The following PHACTR2 variants were observed in gnomAD, a reference collection of about 807,000 sequenced individuals.
PHACTR2 encodes the protein phosphatase and actin regulator 2.
In PHACTR2, 30 loss-of-function variants were observed where a neutral mutation model predicts 76.0. The ratio of observed to expected loss-of-function variants is 0.39; its 90% CI spans 0.30 to 0.54. PHACTR2 has a LOEUF of 0.54. Ranked by LOEUF, PHACTR2 falls within the 20% of genes least tolerant of loss-of-function variation. The pLI, the probability that PHACTR2 is intolerant of heterozygous loss-of-function variation, is 0.61. For missense variants in PHACTR2, 696 were observed against 781.1 expected (o/e 0.89, Z 1.30); for synonymous variants, 292 against 292.5 (o/e 1.00, Z 0.02).
intron 10 of PHACTR2, among the ~76,000 whole-genome samples, chr6:143,786,024 T>C (rs1295403246): frequency 6.6e-6 from 1 of 152,250 alleles, no homozygotes; most frequent in Non-Finnish European, 1.5e-5. Context: ...CCTTGCTACT[T>C]AGGCAAATTT....
chr6:143,799,202 G>A (rs1775897957), intron 11 of PHACTR2, among the ~76,000 whole-genome samples: 1 of 152,164 alleles, frequency 6.6e-6, no homozygotes, highest in South Asian at 2.1e-4. Flanking sequence ...TCTGATGGTA[G>A]TTTGTGTTTC....
intron 10 of PHACTR2, among the ~76,000 whole-genome samples, chr6:143,785,318 C>T (rs1392807773): frequency 6.6e-6 from 1 of 152,122 alleles, no homozygotes; most frequent in Non-Finnish European, 1.5e-5. Flanking sequence ...TTTAAAGGTC[C>T]AAAATTATCT....
chr6:143,627,946 T>C lies in PHACTR2; in HGVS notation c.13+19624T>C, dbSNP rs1293207503. ...TATACCCATTGTGCAGTCATGACTATTGTCCCCCTCCCCCAGACTCTTGCA... is the reference window on the plus strand; with the variant it reads ...TATACCCATTGTGCAGTCATGACTACTGTCCCCCTCCCCCAGACTCTTGCA... On this transcript the variant is annotated intron_variant, in intron 1 of 11. Coordinates refer to the PHACTR2 transcript ENST00000305766. The surrounding 1 kb of genome is among the most constrained non-coding windows in gnomAD (Gnocchi z 4.3). 1.3e-5 allele frequency among the ~76,000 whole-genome samples: 2 copies of C among 152,202 alleles called. No homozygotes were observed. Among genetic ancestry groups the C allele is most frequent in the African/African-American group, 4.8e-5 (2 of 41,444 alleles).
intron 11 of PHACTR2, among the ~76,000 whole-genome samples, chr6:143,805,342 G>A (rs545978957): frequency 1.3e-5 from 2 of 152,038 alleles, no homozygotes; most frequent in Non-Finnish European, 2.9e-5. Flanking sequence ...AGCCAGGCAC[G>A]GTGGTGCATG....
chr6:143,560,882 GGTGTGTGT>G (rs36070460), intron 1 of PHACTR2, among the ~76,000 whole-genome samples: 2,120 of 133,066 alleles, frequency 0.016, 29 homozygotes, highest in East Asian at 0.096. Flanking sequence ...AAAGCAGAGG[GGTGTGTGT>G]GTGTGTGTGT....
In PHACTR2 at chr6:143,619,058, A is replaced by C. The variant is rs148992848; in HGVS notation, c.13+10736A>C. Among the ~76,000 whole-genome samples the C allele has an allele frequency of 6.6e-6, 1 of 152,280 alleles. No individual in the cohort carries two copies. The highest frequency in any genetic ancestry group is 1.9e-4 in the East Asian group (1 of 5,170). ...AAACTCTGAATTAATTCTTACTGGA[A>C]TTGAATGCTGTGGCCATATGCAATT... On this transcript the variant is annotated intron_variant, in intron 1 of 11. Coordinates refer to the PHACTR2 transcript ENST00000305766. This position sits in a 1 kb window ranked among gnomAD's most constrained non-coding sequence, Gnocchi z 4.5.
Position 143,678,198 on chromosome 6 carries a change from A to C in PHACTR2, c.35A>C (p.Gln12Pro). 1 of 1,536,250 alleles carries C rather than the reference A, an allele frequency of 6.5e-7. No individual in the cohort carries two copies. The highest frequency in any genetic ancestry group is 8.8e-7 in the Non-Finnish European group (1 of 1,140,862). The change falls in exon 1 of 13, where the codon CAG becomes CCG. Residue 12 changes from glutamine (Q) to proline (P), a missense_variant. Around this residue, in one of 2 missense-constraint regions of PHACTR2, gnomAD observed 460 missense variants for 450.9 expected, o/e 1.02. Coordinates refer to ENST00000440869, the MANE Select transcript of PHACTR2 (RefSeq NM_001100164.2). The surrounding 1 kb of genome is among the most constrained non-coding windows in gnomAD (Gnocchi z 6.2). ...GQTSVSTLSP[Q>P]PGSVDGLDKA... The stretch of plus-strand genomic sequence containing the variant: ...ACCTCGGTGTCCACGCTGTCCCCGC[A>C]GCCCGGCAGCGGTGAGTCCGGGGCG...
chr6:143,643,269 A>G (rs933855217), intron 1 of PHACTR2, among the ~76,000 whole-genome samples: 2 of 152,146 alleles, frequency 1.3e-5, no homozygotes, highest in Admixed American at 6.5e-5. Flanking sequence ...TGATATAGAC[A>G]TCGTCTCAAA....
chr6:143,692,081 G>A (rs1036546212), intron 1 of PHACTR2, among the ~76,000 whole-genome samples: 1 of 152,024 alleles, frequency 6.6e-6, no homozygotes, highest in African/African-American at 2.4e-5. Context: ...GAATTTTTCA[G>A]CCTCCCTATG....
chr6:143,643,716 C>T (rs976282437), intron 1 of PHACTR2, among the ~76,000 whole-genome samples: 3 of 152,108 alleles, frequency 2.0e-5, no homozygotes, highest in African/African-American at 7.2e-5. Context: ...TTTTGCTTAC[C>T]ATTTAAGATC....
Position 143,546,217 on chromosome 6 carries a change from T to C in PHACTR2, c.217+9010T>C, listed in dbSNP as rs190284392. ...CAGCAGCGTGCCTTAGAAAGATTTC[T>C]GAGCTCTAACTTATTTTGTGACCTG... On this transcript the variant is annotated intron_variant, in intron 1 of 11. Coordinates refer to the PHACTR2 transcript ENST00000367584. The surrounding 1 kb of genome is among the most constrained non-coding windows in gnomAD (Gnocchi z 4.9). 7.2e-5 allele frequency among the ~76,000 whole-genome samples: 11 copies of C among 152,352 alleles called. No homozygotes were observed. In the Middle Eastern group the frequency reaches 0.01, roughly 141 times the overall value.
intron 1 of PHACTR2, among the ~76,000 whole-genome samples, chr6:143,669,164 C>T (rs1777100198): frequency 6.6e-6 from 1 of 152,162 alleles, no homozygotes; most frequent in Non-Finnish European, 1.5e-5. Context: ...TGTTCAGTTT[C>T]CATGTAGTTG....
chr6:143,559,411 A>G (rs1286662234), intron 1 of PHACTR2, among the ~76,000 whole-genome samples: 2 of 152,222 alleles, frequency 1.3e-5, no homozygotes, highest in Non-Finnish European at 2.9e-5. Context: ...AGGAAGAAGC[A>G]GAGGATTCAT....
In PHACTR2 at chr6:143,763,246, C is replaced by T. The variant is rs11969603; in HGVS notation, c.695-2015C>T. Among the ~76,000 whole-genome samples the T allele has an allele frequency of 2.1e-3, 312 of 152,168 alleles. 1 individual carries two copies. Among genetic ancestry groups the T allele is most frequent in the African/African-American group, 7.3e-3 (303 of 41,506 alleles). ...TGGTGGTGGGCACCTGTAATCCCAACTATTTGGGAGACTGAGGCAGGAGAA... is the reference window on the plus strand; with the variant it reads ...TGGTGGTGGGCACCTGTAATCCCAATTATTTGGGAGACTGAGGCAGGAGAA... On this transcript the variant is annotated intron_variant, in intron 5 of 12. Coordinates refer to ENST00000440869, the MANE Select transcript of PHACTR2 (RefSeq NM_001100164.2).
At chr6:143,744,987 G>A (rs1779025148) in intron 2 of PHACTR2, among the ~76,000 whole-genome samples, 1 of 152,200 alleles carries the variant, frequency 6.6e-6, no homozygotes, top group African/African-American at 2.4e-5. Flanking sequence ...TGGGATAAAA[G>A]TGAGAGGCCA....
At position 143,797,117 on chromosome 6, in the gene PHACTR2, T is replaced by A. The variant is rs1350597322; in HGVS notation, c.1845+8207T>A. 2.0e-5 allele frequency among the ~76,000 whole-genome samples: 3 copies of A among 152,232 alleles called. No individual in the cohort carries two copies. In the East Asian group the frequency reaches 5.8e-4, roughly 29 times the overall value. On this transcript the variant is annotated intron_variant, in intron 11 of 12. Transcript: ENST00000440869. ...GATCGCCATTCTAACTGGCATGAGA[T>A]GGTATCTCATTCTGGTTTTGATTTG...
Position 143,757,799 on chromosome 6 carries a change from A to T in PHACTR2, c.455-2602A>T, listed in dbSNP as rs900054661. On this transcript the variant is annotated intron_variant, in intron 4 of 12. Transcript: ENST00000440869. This position sits in a 1 kb window ranked among gnomAD's most constrained non-coding sequence, Gnocchi z 4.2. ...GTTTTCTACTGATGTGTGTGTCAAT[A>T]ACTATTAGACAGTCAGTCCCATTCG... Among the ~76,000 whole-genome samples, 13 of 152,328 alleles carry T rather than the reference A, an allele frequency of 8.5e-5. No individual in the cohort carries two copies. Among genetic ancestry groups the T allele is most frequent in the East Asian group, 3.9e-4 (2 of 5,184 alleles).
In PHACTR2 at chr6:143,811,686, T is replaced by C. The variant is rs1219882083; in HGVS notation, c.1922+4553T>C. Among the ~76,000 whole-genome samples the C allele has an allele frequency of 1.3e-5, 2 of 152,180 alleles. No homozygotes were observed. The highest frequency in any genetic ancestry group is 6.5e-5 in the Admixed American group (1 of 15,276). Reference sequence around the variant, plus strand: ...AGCAAATGTTACTGCTATTTTTCCATTAACTTATGACATCATTCGAGATAT... The same window carrying C: ...AGCAAATGTTACTGCTATTTTTCCACTAACTTATGACATCATTCGAGATAT... On this transcript the variant is annotated intron_variant, in intron 12 of 12. Coordinates refer to ENST00000440869, the MANE Select transcript of PHACTR2 (RefSeq NM_001100164.2). The surrounding 1 kb of genome is among the most constrained non-coding windows in gnomAD (Gnocchi z 4.1).
At chr6:143,781,455 T>G (rs770947727) in intron 9 of PHACTR2, among the ~76,000 whole-genome samples, 9 of 152,222 alleles carry the variant, frequency 5.9e-5, no homozygotes, top group Non-Finnish European at 1.2e-4. Flanking sequence ...GAAAAGTACC[T>G]TAAAAATATA....
Sources: allele counts gnomAD v4.1 joint callset (sites outside exome capture counted in the v4.1 genomes callset), GRCh38; gene constraint gnomAD v4.1.1; regional missense constraint gnomAD v4.1.1; non-coding constraint Gnocchi (gnomAD v3.1); transcripts MANE v1.5; gene names NCBI Gene and HGNC (gene_info 2026-07-23, HGNC 2026-07-21).